Variants in MARCHF1 observed in about 807,000 individuals in gnomAD.
MARCHF1 encodes E3 ubiquitin-protein ligase MARCHF1.
MARCHF1 carries 40 observed loss-of-function variants against 54.2 expected under a neutral mutation model. The observed-to-expected ratio is 0.74, with a 90% CI of 0.57 to 0.96. The LOEUF (loss-of-function observed/expected upper bound fraction) is 0.96. Ranked by LOEUF, MARCHF1 falls within the 40% of genes least tolerant of loss-of-function variation. The pLI, the probability that MARCHF1 is intolerant of heterozygous loss-of-function variation, is 0.00. For synonymous variants in MARCHF1, 236 were observed against 236.3 expected, an observed-to-expected ratio of 1.00 and a Z score of 0.01; for missense variants, 586 against 656.5, an observed-to-expected ratio of 0.89 and a Z score of 1.17.
intron 3 of MARCHF1, among the ~76,000 whole-genome samples, chr4:163,983,661 G>A (rs1466042774): frequency 6.6e-6 from 1 of 152,168 alleles, no homozygotes; most frequent in Non-Finnish European, 1.5e-5. Context: ...TCAATGGCCT[G>A]CATTTTTGTC....
chr4:164,109,851 C>T (rs979444739), intron 2 of MARCHF1, among the ~76,000 whole-genome samples: 11 of 140,158 alleles, frequency 7.8e-5, no homozygotes, highest in Non-Finnish European at 1.2e-4. Flanking sequence ...AACAAACCCC[C>T]GGGACAAGAG....
intron 2 of MARCHF1, among the ~76,000 whole-genome samples, chr4:164,007,279 G>A (rs1753312346): frequency 7.5e-6 from 1 of 133,828 alleles, no homozygotes; most frequent in South Asian, 2.4e-4. Context: ...CCGGGAAGCA[G>A]ATCTGGCAGT....
intron 8 of MARCHF1, among the ~76,000 whole-genome samples, chr4:163,572,445 C>T (rs1436062331): frequency 6.6e-6 from 1 of 151,630 alleles, no homozygotes; most frequent in East Asian, 1.9e-4. Context: ...GAAACTGAGA[C>T]AAGACTCAAA....
chr4:163,904,785 G>GAC (rs151053618), intron 3 of MARCHF1, among the ~76,000 whole-genome samples: 47 of 9,904 alleles, frequency 4.7e-3, no homozygotes, highest in South Asian at 0.17. Flanking sequence ...CAGAGACAGA[G>GAC]AGAGAAAGAG....
chr4:163,958,623 G>T (rs1010532402), intron 3 of MARCHF1, among the ~76,000 whole-genome samples: 18 of 151,838 alleles, frequency 1.2e-4, no homozygotes, highest in African/African-American at 3.9e-4. Flanking sequence ...GTAAGATTTA[G>T]TGAATTTGAA....
chr4:163,728,193 T>C (rs1745719690), intron 4 of MARCHF1, among the ~76,000 whole-genome samples: 1 of 152,128 alleles, frequency 6.6e-6, no homozygotes, highest in Non-Finnish European at 1.5e-5. Context: ...GTTGCACAGG[T>C]TGTGCCACAA....
At chr4:164,254,246 T>C (rs1232146422) in intron 1 of MARCHF1, among the ~76,000 whole-genome samples, 1 of 151,640 alleles carries the variant, frequency 6.6e-6, no homozygotes, top group African/African-American at 2.4e-5. Context: ...GAGATGGGAT[T>C]TCTCTATGCT....
At chr4:164,141,050 T>C (rs1222642226) in intron 1 of MARCHF1, among the ~76,000 whole-genome samples, 2 of 152,208 alleles carry the variant, frequency 1.3e-5, no homozygotes, top group African/African-American at 4.8e-5. Context: ...ATATTCTCAA[T>C]GGCAGCTTCT....
chr4:163,739,535 C>A (rs9998696), intron 4 of MARCHF1, among the ~76,000 whole-genome samples: 1 of 152,160 alleles, frequency 6.6e-6, no homozygotes, highest in African/African-American at 2.4e-5. Context: ...AATAAAAGAA[C>A]GCTAAACTGA....
intron 1 of MARCHF1, among the ~76,000 whole-genome samples, chr4:164,295,437 C>T (rs2111378278): frequency 1.1e-5 from 1 of 94,242 alleles, no homozygotes; most frequent in South Asian, 3.3e-4. Context: ...AACACACACA[C>T]ATACACACAA....
intron 1 of MARCHF1, among the ~76,000 whole-genome samples, chr4:164,147,177 G>T (rs1729773442): frequency 6.6e-6 from 1 of 151,768 alleles, no homozygotes; most frequent in Non-Finnish European, 1.5e-5. Context: ...GAAACAACAG[G>T]TGCTGGAGAG....
At chr4:164,097,068 A>C (rs576890184) in intron 2 of MARCHF1, among the ~76,000 whole-genome samples, 1 of 152,278 alleles carries the variant, frequency 6.6e-6, no homozygotes, top group Admixed American at 6.5e-5. Context: ...GACTTTAAAA[A>C]CTGTAGACAT....
intron 4 of MARCHF1, among the ~76,000 whole-genome samples, chr4:163,731,344 G>T (rs1003069742): frequency 5.9e-5 from 9 of 152,076 alleles, no homozygotes; most frequent in African/African-American, 2.2e-4. Flanking sequence ...TTCCCATATG[G>T]AACAGCTGAA....
intron 4 of MARCHF1, among the ~76,000 whole-genome samples, chr4:163,722,213 G>A (rs1399451582): frequency 6.6e-6 from 1 of 152,058 alleles, no homozygotes; most frequent in Admixed American, 6.6e-5. Context: ...GTGTCCCAGA[G>A]ATTCTGGTAT....
At chr4:164,139,860 GA>G (rs1756484462) in intron 1 of MARCHF1, among the ~76,000 whole-genome samples, 5 of 152,000 alleles carry the variant, frequency 3.3e-5, no homozygotes. Flanking sequence ...CAACCATTAG[GA>G]AAATAGAGAT....
At chr4:164,248,865 A>G (rs908928817) in intron 1 of MARCHF1, among the ~76,000 whole-genome samples, 1 of 152,060 alleles carries the variant, frequency 6.6e-6, no homozygotes, top group Non-Finnish European at 1.5e-5. Flanking sequence ...ACTGTTTCAT[A>G]TAAGGGCTAG....
chr4:163,593,139 A>AT (rs1484633799), intron 7 of MARCHF1, among the ~76,000 whole-genome samples: 13 of 152,262 alleles, frequency 8.5e-5, no homozygotes, highest in South Asian at 2.1e-4. Context: ...CTACCTTACA[A>AT]TTTTGATGAC....
chr4:163,640,613 T>A (rs1189096129), intron 5 of MARCHF1, among the ~76,000 whole-genome samples: 1 of 152,130 alleles, frequency 6.6e-6, no homozygotes, highest in East Asian at 1.9e-4. Flanking sequence ...CAATCATATT[T>A]CTACCATGTT....
At chr4:163,718,837 T>G (rs17008537) in intron 4 of MARCHF1, among the ~76,000 whole-genome samples, 1,940 of 152,306 alleles carry the variant, frequency 0.013, 39 homozygotes, top group African/African-American at 0.045. Context: ...TCCAACCTCA[T>G]GACTCTTCTC....
Sources: gnomAD v4.1 joint callset for allele counts (sites outside exome capture counted in the v4.1 genomes callset) on GRCh38, gnomAD v4.1.1 for gene constraint, MANE v1.5 for transcripts, NCBI Gene and HGNC (gene_info 2026-07-23, HGNC 2026-07-21) for gene names.